Variants in DDX4 observed in about 807,000 individuals in gnomAD.
DDX4 encodes DEAD-box helicase 4, also known as probable ATP-dependent RNA helicase DDX4.
Under a neutral mutation model 100.0 loss-of-function variants are expected in DDX4, and 25 were observed. The ratio of observed to expected loss-of-function variants is 0.25; its 90% CI spans 0.18 to 0.35. The LOEUF is 0.35. Ranked by LOEUF, DDX4 falls within the 10% of genes least tolerant of loss-of-function variation. The pLI, the probability that DDX4 is intolerant of heterozygous loss-of-function variation, is 1.00. For synonymous variants in DDX4, 259 were observed against 275.7 expected (o/e 0.94, Z 0.60); for missense variants, 635 against 882.4 (o/e 0.72, Z 3.55).
intron 10 of DDX4, chr5:55,782,317 G>A (rs1561499694): frequency 4.7e-6 from 1 of 212,916 alleles, no homozygotes; most frequent in African/African-American, 2.3e-5. Context: ...ATAAAAAACT[G>A]TTTAAGTCCG....
At chr5:55,769,357 A>G (rs939496171) in intron 7 of DDX4, among the ~76,000 whole-genome samples, 2 of 152,136 alleles carry the variant, frequency 1.3e-5, no homozygotes, top group Non-Finnish European at 2.9e-5. Context: ...TCCTAGCGCC[A>G]TTTATTGAAT....
At chr5:55,741,605 T>C (rs1249682773) in intron 2 of DDX4, among the ~76,000 whole-genome samples, 1 of 152,098 alleles carries the variant, frequency 6.6e-6, no homozygotes, top group Non-Finnish European at 1.5e-5. Context: ...CTGGCCAACA[T>C]AGCAAAACCC....
chr5:55,746,092 A>G (rs1243896409), intron 2 of DDX4, 72 bp from the exon 3 acceptor site: 16 of 1,161,200 alleles, frequency 1.4e-5, no homozygotes, highest in Non-Finnish European at 1.7e-5. Flanking sequence ...ATAATTTTCT[A>G]GTATTTGTGA....
At chr5:55,809,338 G>A (rs1052046449) in intron 18 of DDX4, among the ~76,000 whole-genome samples, 1 of 152,142 alleles carries the variant, frequency 6.6e-6, no homozygotes, top group Non-Finnish European at 1.5e-5. Flanking sequence ...CCCAGTTTCT[G>A]ACACTCCCCA....
intron 7 of DDX4, chr5:55,768,213 A>G: frequency 4.9e-6 from 2 of 406,828 alleles, no homozygotes; most frequent in East Asian, 9.2e-5. Context: ...TTTGGTGTAC[A>G]GATTATTTTG....
At chr5:55,757,207 C>T (rs1759994882) in intron 3 of DDX4, among the ~76,000 whole-genome samples, 1 of 152,138 alleles carries the variant, frequency 6.6e-6, no homozygotes, top group African/African-American at 2.4e-5. Context: ...TTTGTGAACC[C>T]ATTACCTGAG....
At chr5:55,775,258 C>T (rs185503631) in intron 7 of DDX4, among the ~76,000 whole-genome samples, 168 of 152,286 alleles carry the variant, frequency 1.1e-3, no homozygotes, top group African/African-American at 3.9e-3. Flanking sequence ...ATCCATGTGA[C>T]GGACACTTGG....
intron 4 of DDX4, 123 bp from the exon 5 acceptor site, chr5:55,763,052 T>C (rs373133984): frequency 8.3e-6 from 5 of 598,970 alleles, no homozygotes; most frequent in Non-Finnish European, 1.5e-5. Flanking sequence ...TTTAGGTTTC[T>C]GTGCTACTCT....
intron 2 of DDX4, 68 bp downstream of exon 2, chr5:55,739,100 A>G (rs1758845741): frequency 6.4e-6 from 6 of 934,302 alleles, no homozygotes; most frequent in Non-Finnish European, 8.7e-6. Flanking sequence ...CACTGTGGTG[A>G]GAGTTCTAAA....
At chr5:55,741,705 C>T (rs912972307) in intron 2 of DDX4, among the ~76,000 whole-genome samples, 1 of 151,872 alleles carries the variant, frequency 6.6e-6, no homozygotes, top group African/African-American at 2.4e-5. Context: ...AGGAGAATCT[C>T]TTGAAATTGG....
At chr5:55,802,866 A>G (rs1430885815) in intron 18 of DDX4, among the ~76,000 whole-genome samples, 2 of 152,202 alleles carry the variant, frequency 1.3e-5, no homozygotes, top group African/African-American at 4.8e-5. Context: ...TTTCTATGAC[A>G]TGCAAAATAA....
intron 7 of DDX4, among the ~76,000 whole-genome samples, chr5:55,774,758 T>G (rs779633072): frequency 1.3e-5 from 2 of 152,188 alleles, no homozygotes; most frequent in African/African-American, 2.4e-5. Flanking sequence ...TAGCACCATT[T>G]GTTGATGTTT....
intron 12 of DDX4, 107 bp from the exon 13 acceptor site, chr5:55,785,622 A>G: frequency 7.9e-7 from 1 of 1,262,628 alleles, no homozygotes; most frequent in Non-Finnish European, 1.1e-6. Flanking sequence ...AAGCAGTGGG[A>G]AGTTCCATAG....
Position 55,767,108 on chromosome 5 carries a change from A to G in DDX4, c.335-773A>G, listed in dbSNP as rs182519181. The G allele has an allele frequency of 2.7e-4, 340 of 1,250,180 alleles. No homozygotes were observed. The African/African-American group carries it at 4.2e-3, about 15-fold the overall frequency. The allele number at this position is 1,250,180 out of a possible 1,614,324, so 77.4% of individuals were successfully genotyped here. A position where few individuals can be genotyped will look rare whatever the true frequency, so the allele number is the denominator to read the frequency against. The stretch of plus-strand genomic sequence containing the variant: ...TTAGCATGAATGGGGGAAAGTTTGC[A>G]TATATTTAAGAAAGCACAAATGTCT... On this transcript the variant is annotated intron_variant, in intron 6 of 21. Transcript: ENST00000505374.
chr5:55,758,907 C>G (rs1265434352), intron 3 of DDX4, among the ~76,000 whole-genome samples: 2 of 130,196 alleles, frequency 1.5e-5, no homozygotes, highest in East Asian at 2.3e-4. Flanking sequence ...AAGAGGCAGA[C>G]AGACAAGGTC....
At chr5:55,774,025 G>C (rs534202302) in intron 7 of DDX4, among the ~76,000 whole-genome samples, 1 of 152,038 alleles carries the variant, frequency 6.6e-6, no homozygotes, top group Non-Finnish European at 1.5e-5. Flanking sequence ...ATGTCTTTCA[G>C]ATCCTTCACT....
At chr5:55,793,832 A>G (rs890462610) in intron 17 of DDX4, among the ~76,000 whole-genome samples, 7 of 152,184 alleles carry the variant, frequency 4.6e-5, no homozygotes, top group African/African-American at 9.7e-5. Flanking sequence ...CAATGTTCCA[A>G]TGTTCTCTCA....
chr5:55,766,240 A>G (rs1481592644), intron 6 of DDX4, among the ~76,000 whole-genome samples: 1 of 151,894 alleles, frequency 6.6e-6, no homozygotes, highest in East Asian at 1.9e-4. Flanking sequence ...GTAATTTTTT[A>G]TTTTGAAATA....
At chr5:55,782,148 G>C (rs537730626) in intron 10 of DDX4, 167 bp downstream of exon 10, 10 of 701,432 alleles carry the variant, frequency 1.4e-5, no homozygotes, top group Admixed American at 5.4e-5. Context: ...GCCTGTTTTA[G>C]ATAGTTCCTT....
Sources: gnomAD v4.1 joint callset for allele counts (sites outside exome capture counted in the v4.1 genomes callset) on GRCh38, gnomAD v4.1.1 for gene constraint, MANE v1.5 for transcripts, NCBI Gene and HGNC (gene_info 2026-07-23, HGNC 2026-07-21) for gene names.